ARHGEF10L: variants seen among roughly 807,000 people sequenced by gnomAD.
ARHGEF10L encodes rho guanine nucleotide exchange factor 10-like protein.
ARHGEF10L carries 69 observed loss-of-function variants against 141.2 expected under a neutral mutation model. The ratio of observed to expected loss-of-function variants is 0.49; its 90% CI spans 0.40 to 0.60. ARHGEF10L has a LOEUF of 0.60. ARHGEF10L is among the 20% of genes least tolerant of loss of function. The probability of loss-of-function intolerance (pLI) is 0.00; values close to 1 mark genes in which losing one functional copy is unlikely to be tolerated. For synonymous variants in ARHGEF10L, 711 were observed against 718.5 expected, an observed-to-expected ratio of 0.99 and a Z score of 0.17; for missense variants, 1,482 against 1,734.3, an observed-to-expected ratio of 0.85 and a Z score of 2.58.
intron 2 of ARHGEF10L, among the ~76,000 whole-genome samples, chr1:17,581,730 T>C (rs1182728755): frequency 6.6e-6 from 1 of 152,118 alleles, no homozygotes; most frequent in Non-Finnish European, 1.5e-5. Flanking sequence ...TTTAAATATA[T>C]GTCAGGCGTG....
intron 7 of ARHGEF10L, among the ~76,000 whole-genome samples, chr1:17,608,834 G>T (rs2059393464): frequency 1.3e-5 from 2 of 152,080 alleles, no homozygotes; most frequent in Non-Finnish European, 2.9e-5. Flanking sequence ...GCCCAGGCTG[G>T]AGTACAGTGG....
chr1:17,667,080 A>T (rs2063031377), intron 26 of ARHGEF10L, among the ~76,000 whole-genome samples: 1 of 152,180 alleles, frequency 6.6e-6, no homozygotes, highest in Non-Finnish European at 1.5e-5. Context: ...CTGCTCTGCA[A>T]GCGGTCTCCT....
chr1:17,561,433 G>A (rs1399144096), intron 1 of ARHGEF10L, among the ~76,000 whole-genome samples: 2 of 152,172 alleles, frequency 1.3e-5, no homozygotes, highest in Non-Finnish European at 2.9e-5. Context: ...CCTTGGTCCT[G>A]CCCCCCGCAG....
intron 26 of ARHGEF10L, among the ~76,000 whole-genome samples, chr1:17,667,282 G>A (rs868838818): frequency 2.3e-4 from 35 of 152,336 alleles, no homozygotes; most frequent in African/African-American, 7.9e-4. Context: ...AGTCTGATGT[G>A]GAAGACACAG....
Position 17,669,470 on chromosome 1 carries a change from A to G in ARHGEF10L, c.3009+4875A>G, listed in dbSNP as rs556456486. Among the ~76,000 whole-genome samples the G allele has an allele frequency of 3.3e-5, 5 of 152,312 alleles. No individual in the cohort carries two copies. In the East Asian group the frequency reaches 9.7e-4, roughly 29 times the overall value. ...GATTATTCCCACTTTACAGATGAGG[A>G]AACAGAGGCACAGAGAGGTTAAGTA... On this transcript the variant is annotated intron_variant, in intron 26 of 28. Transcript: ENST00000361221.
rs555804963 is a variant in ARHGEF10L at position 17,677,704 on chromosome 1, C to T, written c.3010-9869C>T. On this transcript the variant is annotated intron_variant, in intron 26 of 28. Coordinates refer to ENST00000361221, the MANE Select transcript of ARHGEF10L (RefSeq NM_018125.4). ...ATTAGCAGCAACTTGAGTCATCTTA[C>T]GGCAGCTCTGTGCAGTAGGTACTAT... Among the ~76,000 whole-genome samples, 7 of 152,346 alleles carry T rather than the reference C, an allele frequency of 4.6e-5. No individual in the cohort carries two copies. The East Asian group carries it at 7.7e-4, about 17-fold the overall frequency.
At chr1:17,663,850 A>C (rs2062798061) in intron 25 of ARHGEF10L, among the ~76,000 whole-genome samples, 1 of 152,182 alleles carries the variant, frequency 6.6e-6, no homozygotes, top group Non-Finnish European at 1.5e-5. Flanking sequence ...GCCAGACCCC[A>C]AGTCTCCCGA....
At chr1:17,592,934 G>T (rs1376395944) in intron 4 of ARHGEF10L, among the ~76,000 whole-genome samples, 3 of 152,082 alleles carry the variant, frequency 2.0e-5, no homozygotes, top group African/African-American at 7.2e-5. Context: ...TTCTTTAAAG[G>T]TCCCTTGCCA....
the ARHGEF10L span, among the ~76,000 whole-genome samples, chr1:17,533,987 A>G: frequency 6.6e-6 from 1 of 150,754 alleles, no homozygotes; most frequent in East Asian, 2.0e-4. Flanking sequence ...CTTGAGACGG[A>G]GTCTTGCTAT....
At chr1:17,529,933 A>C in the ARHGEF10L span, among the ~76,000 whole-genome samples, 5 of 149,542 alleles carry the variant, frequency 3.3e-5, no homozygotes, top group African/African-American at 1.2e-4. Flanking sequence ...CCCAGGTTCA[A>C]GCAATTCTCC....
At chr1:17,530,008 T>C in the ARHGEF10L span, among the ~76,000 whole-genome samples, 1 of 152,008 alleles carries the variant, frequency 6.6e-6, no homozygotes, top group African/African-American at 2.4e-5. Context: ...AATTTTTGTA[T>C]TTTTAGTAGA....
intron 1 of ARHGEF10L, among the ~76,000 whole-genome samples, chr1:17,563,087 GA>G (rs2077608069): frequency 6.6e-6 from 1 of 152,144 alleles, no homozygotes; most frequent in African/African-American, 2.4e-5. Flanking sequence ...TCTCCTGGGG[GA>G]CGATGAATCT....
chr1:17,617,360 C>T (rs996959132), intron 9 of ARHGEF10L, among the ~76,000 whole-genome samples: 4 of 152,216 alleles, frequency 2.6e-5, no homozygotes, highest in African/African-American at 9.7e-5. Context: ...CCCTGAAGCC[C>T]CCTTCAGGTG....
At chr1:17,617,694 C>T (rs2059882787) in intron 9 of ARHGEF10L, among the ~76,000 whole-genome samples, 1 of 152,224 alleles carries the variant, frequency 6.6e-6, no homozygotes, top group Admixed American at 6.5e-5. Flanking sequence ...CCTGTGTCAT[C>T]CTAGAAAATT....
At position 17,656,601 on chromosome 1, in the gene ARHGEF10L, G is replaced by A. The variant is rs775644062; in HGVS notation, c.2753G>A (p.Ser918Asn). 1 of 1,613,206 alleles carries A rather than the reference G, an allele frequency of 6.2e-7. No individual in the cohort carries two copies. The highest frequency in any genetic ancestry group is 8.5e-7 in the Non-Finnish European group (1 of 1,179,886). ...SVDTGTQCLVSCRSPGLQPVL... is the reference protein window; with the variant it reads ...SVDTGTQCLVNCRSPGLQPVL... ...GACACTGGCACCCAGTGCCTGGTGA[G>A]CTGCAGGAGCCCAGGTCTGCAGCCT... Residue 918 changes from serine (S) to asparagine (N), a missense_variant, in exon 25 of 29, where the codon AGC (serine) becomes AAC (asparagine). By Grantham distance (46) the Ser-to-Asn change is conservative. Transcript: ENST00000361221. This position sits in a 1 kb window ranked among gnomAD's most constrained non-coding sequence, Gnocchi z 4.9.
intron 1 of ARHGEF10L, among the ~76,000 whole-genome samples, chr1:17,548,361 C>G (rs1215534186): frequency 6.6e-6 from 1 of 152,052 alleles, no homozygotes; most frequent in Non-Finnish European, 1.5e-5. Flanking sequence ...AACATTTTAA[C>G]AAAGGGCGAT....
At chr1:17,641,270 C>T (rs1045927156) in intron 21 of ARHGEF10L, among the ~76,000 whole-genome samples, 33 of 152,172 alleles carry the variant, frequency 2.2e-4, no homozygotes, top group African/African-American at 8.0e-4. Context: ...ATAGCAGGAA[C>T]GTTTTTTTAT....
chr1:17,620,152 G>A (rs929315033), intron 10 of ARHGEF10L, among the ~76,000 whole-genome samples: 15 of 149,874 alleles, frequency 1.0e-4, no homozygotes, highest in African/African-American at 3.2e-4. Flanking sequence ...GCAGTGAGCC[G>A]AGATCGCGCC....
chr1:17,566,671 G>T (rs144060697), intron 1 of ARHGEF10L, among the ~76,000 whole-genome samples: 424 of 152,348 alleles, frequency 2.8e-3, no homozygotes, highest in Middle Eastern at 0.01. Flanking sequence ...GCCACATGGA[G>T]TATGCAGGGC....
Sources: gnomAD v4.1 joint callset for allele counts (sites outside exome capture counted in the v4.1 genomes callset) on GRCh38, gnomAD v4.1.1 for gene constraint, Gnocchi (gnomAD v3.1) non-coding constraint, MANE v1.5 for transcripts, NCBI Gene and HGNC (gene_info 2026-07-23, HGNC 2026-07-21) for gene names.